Variants in TIGAR observed in about 807,000 individuals in gnomAD.
TIGAR encodes the protein TP53 induced glycolysis regulatory phosphatase.
TIGAR carries 7 observed loss-of-function variants against 17.9 expected under a neutral mutation model. That is an observed-to-expected ratio of 0.39 (90% CI 0.22 to 0.73). The LOEUF is 0.73. Among genes scored for constraint, TIGAR ranks in the 30% least tolerant of loss-of-function variants. The pLI is 0.42. For synonymous variants in TIGAR, 94 were observed against 108.6 expected, an observed-to-expected ratio of 0.87 and a Z score of 0.84; for missense variants, 258 against 327.4, an observed-to-expected ratio of 0.79 and a Z score of 1.64.
chr12:4,350,398 G>A (rs1362903835), intron 4 of TIGAR, among the ~76,000 whole-genome samples: 1 of 152,194 alleles, frequency 6.6e-6, no homozygotes, highest in Non-Finnish European at 1.5e-5. Flanking sequence ...ATAGTCCCAT[G>A]AATGACCTAG....
intron 2 of TIGAR, among the ~76,000 whole-genome samples, chr12:4,335,170 T>C (rs1396679924): frequency 6.6e-6 from 1 of 152,150 alleles, no homozygotes; most frequent in Non-Finnish European, 1.5e-5. Context: ...TCCAAGTAGC[T>C]GGGATTACAG....
Position 4,329,328 on chromosome 12 carries a change from C to CTTT in TIGAR, c.33-1928_33-1926dup, listed in dbSNP as rs34584528. The stretch of plus-strand genomic sequence containing the variant: ...TAGAAATAATACTGTAGCTAATGAT[C>CTTT]TTTTTTTTTTTTTTTTTTTTTTTTT... On this transcript the variant is annotated intron_variant, in intron 1 of 5. Transcript: ENST00000179259. 1.6e-3 allele frequency among the ~76,000 whole-genome samples: 115 copies of CTTT among 73,264 alleles called. 9 individuals carry two copies. Among genetic ancestry groups the CTTT allele is most frequent in the African/African-American group, 3.6e-3 (66 of 18,174 alleles). The allele number at this position is 73,264 out of a possible 152,430, so 48.1% of individuals were successfully genotyped here.
chr12:4,329,328 C>CTT (rs34584528), intron 1 of TIGAR, among the ~76,000 whole-genome samples: 787 of 73,280 alleles, frequency 0.011, 139 homozygotes, highest in Middle Eastern at 0.064. Context: ...AGCTAATGAT[C>CTT]TTTTTTTTTT....
At chr12:4,341,554 G>T (rs924625824) in intron 3 of TIGAR, among the ~76,000 whole-genome samples, 1 of 152,204 alleles carries the variant, frequency 6.6e-6, no homozygotes, top group African/African-American at 2.4e-5. Flanking sequence ...CCAGAGGAGC[G>T]ATCAGGCAGC....
rs532203329 is a variant in TIGAR, at chr12:4,358,060, C to T, written c.*5369C>T. 8.0e-5 allele frequency among the ~76,000 whole-genome samples: 12 copies of T among 149,184 alleles called. No homozygotes were observed. The South Asian group carries it at 1.7e-3, about 21-fold the overall frequency. On this transcript the variant is annotated 3_prime_UTR_variant, in exon 6 of 6. Transcript: ENST00000179259. ...TGGAGCTTGCAGTGAGCCAAGGTCG[C>T]GCCACTGCACTGCAGCCTGGGTGAC...
In TIGAR at chr12:4,324,412, A is replaced by G. The variant is rs1299896824; in HGVS notation, c.32+3109A>G. 9 of 1,391,332 alleles carry G rather than the reference A, an allele frequency of 6.5e-6. No homozygotes were observed. In the Admixed American group the frequency reaches 1.5e-4, roughly 23 times the overall value. 86.2% of individuals were successfully genotyped at this position (1,391,332 alleles called of 1,614,324 possible). On this transcript the variant is annotated intron_variant, in intron 1 of 5. Transcript: ENST00000179259. The stretch of plus-strand genomic sequence containing the variant: ...GAAGCGGGAGGAGTGGGTGGCCCCG[A>G]TGCCGGGCCGGCAGTGCTTCACCAG...
intron 1 of TIGAR, among the ~76,000 whole-genome samples, chr12:4,325,402 T>C (rs186945917): frequency 5.3e-5 from 8 of 152,300 alleles, no homozygotes; most frequent in Admixed American, 3.9e-4. Context: ...CTAATACTTT[T>C]ATAAAATTTT....
chr12:4,328,931 A>T (rs952851268), intron 1 of TIGAR, among the ~76,000 whole-genome samples: 2 of 152,150 alleles, frequency 1.3e-5, no homozygotes, highest in South Asian at 4.1e-4. Context: ...TAATACATCT[A>T]CATATTTAGA....
intron 3 of TIGAR, among the ~76,000 whole-genome samples, chr12:4,340,858 C>T (rs1393166827): frequency 1.3e-5 from 2 of 152,190 alleles, no homozygotes; most frequent in African/African-American, 2.4e-5. Flanking sequence ...TGAAACTAGA[C>T]CCCTGTCTTT....
In TIGAR at chr12:4,331,332, A is replaced by C; in HGVS notation, c.70+15A>C. ...AATAATCCAAGGTTGGTATAATCCG[A>C]TTGTTATTTTAGCTCTCACCCTTGT... On this transcript the variant is annotated intron_variant, in intron 2 of 5. Transcript: ENST00000179259. 6.2e-7 allele frequency: 1 copy of C among 1,606,472 alleles called. No homozygotes were observed. The highest frequency in any genetic ancestry group is 8.5e-7 in the Non-Finnish European group (1 of 1,173,110).
chr12:4,346,793 T>C (rs1170025656), intron 3 of TIGAR, among the ~76,000 whole-genome samples: 1 of 151,984 alleles, frequency 6.6e-6, no homozygotes, highest in East Asian at 1.9e-4. Context: ...AAGAGACATA[T>C]GAAAAAGTGC....
intron 1 of TIGAR, among the ~76,000 whole-genome samples, chr12:4,328,766 G>A (rs1339726569): frequency 6.6e-6 from 1 of 150,796 alleles, no homozygotes; most frequent in Non-Finnish European, 1.5e-5. Context: ...TATCAGAGAC[G>A]GAGTTTCACC....
At chr12:4,331,104 A>T (rs3935187) in intron 1 of TIGAR, among the ~76,000 whole-genome samples, 176 bp from the exon 2 acceptor site, 7,385 of 152,308 alleles carry the variant, frequency 0.048, 523 homozygotes, top group East Asian at 0.33. Flanking sequence ...TCATTAAAGA[A>T]GACAATTGCA....
rs560602162 is a variant in TIGAR, at chr12:4,359,122, A to C, written c.*6431A>C. Among the ~76,000 whole-genome samples the C allele has an allele frequency of 7.1e-6, 1 of 140,562 alleles. No homozygotes were observed. Among genetic ancestry groups the C allele is most frequent in the African/African-American group, 2.6e-5 (1 of 37,868 alleles). The allele number at this position is 140,562 out of a possible 152,430, so 92.2% of individuals were successfully genotyped here. ...TTCTGACTCTGTTTTTTTTTTCTTT[A>C]GCCAACTCACGCCATGACTCTACTT... On this transcript the variant is annotated 3_prime_UTR_variant, in exon 6 of 6. Transcript: ENST00000179259.
rs1201929053 is a variant in TIGAR at position 4,355,486 on chromosome 12, C to G, written c.*2795C>G. Among the ~76,000 whole-genome samples, 1 of 152,188 alleles carries G rather than the reference C, an allele frequency of 6.6e-6. No individual in the cohort carries two copies. The highest frequency in any genetic ancestry group is 2.4e-5 in the African/African-American group (1 of 41,446). On this transcript the variant is annotated 3_prime_UTR_variant, in exon 6 of 6. Transcript: ENST00000179259. ...TAAAGTTGTCTTAACTATTTATGCACTTTTATTCTTCCATATAAATTTTGG... is the reference window on the plus strand; with the variant it reads ...TAAAGTTGTCTTAACTATTTATGCAGTTTTATTCTTCCATATAAATTTTGG...
At position 4,329,818 on chromosome 12, in the gene TIGAR, G is replaced by A. The variant is rs145155563; in HGVS notation, c.33-1462G>A. On this transcript the variant is annotated intron_variant, in intron 1 of 5. Transcript: ENST00000179259. ...TCTCCAGGCCCTGGGCATGTTGAGGGTATGCAATCCCTGCTTGTGCCTTTA... is the reference window on the plus strand; with the variant it reads ...TCTCCAGGCCCTGGGCATGTTGAGGATATGCAATCCCTGCTTGTGCCTTTA... Among the ~76,000 whole-genome samples, 28 of 152,196 alleles carry A rather than the reference G, an allele frequency of 1.8e-4. No individual in the cohort carries two copies. The East Asian group carries it at 5.4e-3, about 29-fold the overall frequency.
intron 1 of TIGAR, chr12:4,324,709 G>C: frequency 1.2e-6 from 1 of 839,942 alleles, no homozygotes; most frequent in Non-Finnish European, 1.9e-6. Context: ...GTACAGCTGC[G>C]TCAGCTGCTC....
Position 4,358,395 on chromosome 12 carries a change from T to C in TIGAR, c.*5704T>C, listed in dbSNP as rs1165944556. Among the ~76,000 whole-genome samples, 1 of 152,170 alleles carries C rather than the reference T, an allele frequency of 6.6e-6. No individual in the cohort carries two copies. The highest frequency in any genetic ancestry group is 1.5e-5 in the Non-Finnish European group (1 of 68,034). On this transcript the variant is annotated 3_prime_UTR_variant, in exon 6 of 6. Coordinates refer to ENST00000179259, the MANE Select transcript of TIGAR (RefSeq NM_020375.3). ...TGTTTTGGTAATCTTTTATCTTGGA[T>C]TTATCAAACCTACAGAAAAGTTGCA...
rs979612864 is a variant in TIGAR, at chr12:4,337,021, C to T, written c.71-18C>T. 5 of 1,587,784 alleles carry T rather than the reference C, an allele frequency of 3.1e-6. No individual in the cohort carries two copies. The highest frequency in any genetic ancestry group is 2.3e-5 in the East Asian group (1 of 44,356). ...TGTAGTTTTGAATGTTATTGTTCCT[C>T]TTCTTAATATATCACAGGACAAGGA... On this transcript the variant is annotated intron_variant, in intron 2 of 5. Coordinates refer to ENST00000179259, the MANE Select transcript of TIGAR (RefSeq NM_020375.3).
Sources: gnomAD v4.1 joint callset for allele counts (sites outside exome capture counted in the v4.1 genomes callset) on GRCh38, gnomAD v4.1.1 for gene constraint, MANE v1.5 for transcripts, NCBI Gene and HGNC (gene_info 2026-07-23, HGNC 2026-07-21) for gene names.